DUSP22: variants seen among roughly 807,000 people sequenced by gnomAD.
The protein encoded by DUSP22 is dual specificity phosphatase 22, also known as dual specificity protein phosphatase 22.
A neutral mutation model predicts 24.5 loss-of-function variants in DUSP22; 24 were observed. The ratio of observed to expected loss-of-function variants is 0.98; its 90% CI spans 0.71 to 1.38. The LOEUF (loss-of-function observed/expected upper bound fraction) is 1.38, where lower values mean the gene tolerates loss of function less well. Ranked by LOEUF, DUSP22 falls within the 40% of genes most tolerant of loss-of-function variation. DUSP22 has a pLI of 0.00. For missense variants in DUSP22, 330 were observed against 269.2 expected (o/e 1.23, Z -1.58); for synonymous variants, 160 against 106.4 (o/e 1.50, Z -3.10).
chr6:345,782 A>G (rs1759835443), intron 4 of DUSP22, 72 bp from the exon 5 acceptor site: 1 of 1,546,210 alleles, frequency 6.5e-7, no homozygotes, highest in East Asian at 2.3e-5. Context: ...AAGAAGCCTC[A>G]GGTAGAATTT....
At chr6:345,026 CTA>C (rs1344526065) in intron 4 of DUSP22, among the ~76,000 whole-genome samples, 4 of 152,306 alleles carry the variant, frequency 2.6e-5, no homozygotes, top group Non-Finnish European at 5.9e-5. Flanking sequence ...TCTGTGGTAA[CTA>C]TGTGTTTCAG....
At chr6:323,433 T>C (rs1758702936) in intron 3 of DUSP22, among the ~76,000 whole-genome samples, 1 of 152,296 alleles carries the variant, frequency 6.6e-6, no homozygotes, top group Non-Finnish European at 1.5e-5. Context: ...AAATGCATGG[T>C]GAAAGTTCTG....
chr6:320,813 G>T (rs976267464), intron 3 of DUSP22, among the ~76,000 whole-genome samples: 18 of 152,288 alleles, frequency 1.2e-4, no homozygotes, highest in Admixed American at 7.9e-4. Flanking sequence ...GCGGTGGTCA[G>T]TACGGGTGAG....
chr6:322,841 G>A (rs368236935), intron 3 of DUSP22, among the ~76,000 whole-genome samples: 4 of 144,532 alleles, frequency 2.8e-5, no homozygotes, highest in Non-Finnish European at 4.6e-5. Flanking sequence ...GGGGCGGGGG[G>A]GGGCCTTCGA....
intron 1 of DUSP22, among the ~76,000 whole-genome samples, chr6:294,150 A>T (rs1230443886): frequency 6.6e-6 from 1 of 152,288 alleles, no homozygotes; most frequent in Non-Finnish European, 1.5e-5. Context: ...CGTTATTTTC[A>T]TGCTTTTCAA....
At chr6:342,450 C>T (rs1477809784) in intron 4 of DUSP22, among the ~76,000 whole-genome samples, 1 of 152,298 alleles carries the variant, frequency 6.6e-6, no homozygotes, top group Non-Finnish European at 1.5e-5. Context: ...GCTGCCCCAG[C>T]CTGTGCACTG....
At chr6:302,995 G>A (rs1337149078) in intron 1 of DUSP22, among the ~76,000 whole-genome samples, 3 of 152,300 alleles carry the variant, frequency 2.0e-5, no homozygotes, top group Non-Finnish European at 4.4e-5. Context: ...GGTCGGGCAA[G>A]GACCAGGCCT....
chr6:346,319 C>A (rs1373838700), intron 5 of DUSP22, among the ~76,000 whole-genome samples: 5 of 152,290 alleles, frequency 3.3e-5, no homozygotes, highest in African/African-American at 1.2e-4. Flanking sequence ...GTTGTTTTTT[C>A]TTCAGGAGAC....
Position 348,950 on chromosome 6 carries a change from AAC to A in DUSP22, c.618_*1del. On this transcript the variant is annotated stop_retained_variant and 3_prime_UTR_variant, in exon 7 of 7. Transcript: ENST00000419235. ...TACGATAATTATACGACGGAGACCT[AAC>A]GCAAGCGACCTGCTGCCTTCCTTCC... 1 of 1,584,726 alleles carries A rather than the reference AAC, an allele frequency of 6.3e-7. No homozygotes were observed.
Position 304,659 on chromosome 6 carries a change from A to T in DUSP22, c.53A>T (p.Lys18Ile). ...CCCGGCCTGTACATCGGCAACTTCAAAGGTGAGTTCTTGCTTTTTTATTGT... is the reference window on the plus strand; with the variant it reads ...CCCGGCCTGTACATCGGCAACTTCATAGGTGAGTTCTTGCTTTTTTATTGT... ...ILPGLYIGNF[K>I]DARDAEQLSK... is the part of the protein sequence containing the mutation. Residue 18 changes from lysine to isoleucine, a missense_variant and splice_region_variant, in exon 2 of 7, where the codon AAA becomes ATA. Physicochemically the swap from Lys to Ile is moderately radical, Grantham distance 102. Coordinates refer to ENST00000419235, the MANE Select transcript of DUSP22 (RefSeq NM_001286555.3). 6.2e-7 allele frequency: 1 copy of T among 1,614,234 alleles called. No homozygotes were observed. Among genetic ancestry groups the T allele is most frequent in the Non-Finnish European group, 8.5e-7 (1 of 1,180,006 alleles).
intron 1 of DUSP22, among the ~76,000 whole-genome samples, chr6:300,883 A>T (rs989245971): frequency 1.3e-5 from 2 of 152,310 alleles, no homozygotes; most frequent in African/African-American, 4.8e-5. Flanking sequence ...CTCAGGGGCA[A>T]CCTTGGCAGG....
intron 3 of DUSP22, among the ~76,000 whole-genome samples, chr6:332,376 C>T (rs1255428327): frequency 2.0e-5 from 3 of 152,310 alleles, no homozygotes; most frequent in African/African-American, 4.8e-5. Flanking sequence ...TGGCCAAGAG[C>T]TGCCTCCTCA....
Position 349,283 on chromosome 6 carries a change from A to C in DUSP22, c.*332A>C. 1.6e-6 allele frequency: 2 copies of C among 1,283,058 alleles called. No homozygotes were observed. Among genetic ancestry groups the C allele is most frequent in the Non-Finnish European group, 2.0e-6 (2 of 1,006,994 alleles). The allele number at this position is 1,283,058 out of a possible 1,614,324, so 79.5% of individuals were successfully genotyped here. A position where few individuals can be genotyped will look rare whatever the true frequency, so the allele number is the denominator to read the frequency against. ...TGCCTGTGTGAGTGAGGGTATGTGC[A>C]CCTAAGTGTGTACATGTGTGTATGT... On this transcript the variant is annotated 3_prime_UTR_variant, in exon 7 of 7. Coordinates refer to ENST00000419235, the MANE Select transcript of DUSP22 (RefSeq NM_001286555.3).
At chr6:311,760 G>A (rs1173024558) in intron 2 of DUSP22, 120 bp from the exon 3 acceptor site, 1 of 1,089,984 alleles carries the variant, frequency 9.2e-7, no homozygotes, top group Non-Finnish European at 1.3e-6. Context: ...GGTCAGTTAT[G>A]AAGTTTCAGG....
chr6:319,172 A>G (rs1477581834), intron 3 of DUSP22, among the ~76,000 whole-genome samples: 2 of 152,296 alleles, frequency 1.3e-5, no homozygotes, highest in African/African-American at 2.4e-5. Context: ...TATTTGTCAC[A>G]ATAAGATCAT....
intron 1 of DUSP22, among the ~76,000 whole-genome samples, chr6:303,830 A>T (rs1437133817): frequency 6.6e-6 from 1 of 152,304 alleles, no homozygotes; most frequent in Non-Finnish European, 1.5e-5. Flanking sequence ...CGACCTGCTA[A>T]ATCATTCCAT....
chr6:350,944 GTT>G lies in DUSP22; in HGVS notation c.*1995_*1996del. 6.4e-7 allele frequency: 1 copy of G among 1,568,826 alleles called. No individual in the cohort carries two copies. Among genetic ancestry groups the G allele is most frequent in the Non-Finnish European group, 8.8e-7 (1 of 1,141,010 alleles). Reference sequence around the variant, plus strand: ...CTGCCAAAAAGAAAAGCAACATAGAGTTTAAGTATCCAGTAGTGATTTGTAAA... The same window carrying G: ...CTGCCAAAAAGAAAAGCAACATAGAGTAAGTATCCAGTAGTGATTTGTAAA... On this transcript the variant is annotated 3_prime_UTR_variant, in exon 7 of 7. Coordinates refer to ENST00000419235, the MANE Select transcript of DUSP22 (RefSeq NM_001286555.3).
rs1760129859 is a variant in DUSP22, at chr6:350,228, G to C, written c.*1277G>C. The C allele has an allele frequency of 9.1e-6, 9 of 988,000 alleles. No individual in the cohort carries two copies. Among genetic ancestry groups the C allele is most frequent in the African/African-American group, 1.7e-5 (1 of 57,288 alleles). The allele number at this position is 988,000 out of a possible 1,614,324, so 61.2% of individuals were successfully genotyped here. ...ATCATTGAGCTATTTAAAGTTGCCA[G>C]TTTGGGCTCCAGTAATGCTTTCTGG... On this transcript the variant is annotated 3_prime_UTR_variant, in exon 7 of 7. Transcript: ENST00000419235.
intron 4 of DUSP22, among the ~76,000 whole-genome samples, chr6:343,020 G>T (rs1759682851): frequency 6.6e-6 from 1 of 152,306 alleles, no homozygotes; most frequent in African/African-American, 2.4e-5. Flanking sequence ...GCCCAACAAG[G>T]CTCCCTTCGT....
Sources: gnomAD v4.1 joint callset for allele counts (sites outside exome capture counted in the v4.1 genomes callset) on GRCh38, gnomAD v4.1.1 for gene constraint, MANE v1.5 for transcripts, NCBI Gene and HGNC (gene_info 2026-07-23, HGNC 2026-07-21) for gene names.